GPC5: variants seen among roughly 807,000 people sequenced by gnomAD.
The protein encoded by GPC5 is glypican-5.
Under a neutral mutation model 53.9 loss-of-function variants are expected in GPC5, and 47 were observed. The ratio of observed to expected loss-of-function variants is 0.87; its 90% CI spans 0.69 to 1.11. The LOEUF (loss-of-function observed/expected upper bound fraction) is 1.11, where lower values mean the gene tolerates loss of function less well. Ranked by LOEUF, GPC5 falls within the 50% of genes most tolerant of loss-of-function variation. GPC5 has a pLI of 0.00. For missense variants in GPC5, 748 were observed against 713.1 expected, an observed-to-expected ratio of 1.05 and a Z score of -0.56; for synonymous variants, 286 against 263.3, an observed-to-expected ratio of 1.09 and a Z score of -0.84.
At chr13:91,776,417 G>A (rs1047930314) in intron 5 of GPC5, among the ~76,000 whole-genome samples, 2 of 152,108 alleles carry the variant, frequency 1.3e-5, no homozygotes, top group Admixed American at 6.6e-5. Flanking sequence ...ATCAATATTA[G>A]GATTATGTCT....
intron 7 of GPC5, among the ~76,000 whole-genome samples, chr13:92,569,262 T>G (rs1882952186): frequency 1.3e-5 from 2 of 151,870 alleles, no homozygotes; most frequent in South Asian, 4.2e-4. Context: ...TCATATGCAT[T>G]GTTTCAATGA....
chr13:92,844,232 G>A (rs1878525912), intron 7 of GPC5, among the ~76,000 whole-genome samples: 1 of 152,004 alleles, frequency 6.6e-6, no homozygotes, highest in Admixed American at 6.6e-5. Flanking sequence ...GTGTAGAAAG[G>A]TGTTGTTTAG....
At chr13:92,314,593 C>T (rs1365638209) in intron 7 of GPC5, among the ~76,000 whole-genome samples, 2 of 152,146 alleles carry the variant, frequency 1.3e-5, no homozygotes, top group African/African-American at 4.8e-5. Flanking sequence ...AAGGCCAATT[C>T]CAGTCATGTT....
intron 2 of GPC5, among the ~76,000 whole-genome samples, chr13:91,468,874 C>CTT (rs5805695): frequency 0.5 from 67,445 of 134,798 alleles, 17,549 homozygotes; most frequent in Non-Finnish European, 0.6. Context: ...AGATAATGGT[C>CTT]TTTTTTTTTT....
At chr13:91,658,824 C>A (rs1453409616) in intron 2 of GPC5, among the ~76,000 whole-genome samples, 1 of 152,104 alleles carries the variant, frequency 6.6e-6, no homozygotes, top group African/African-American at 2.4e-5. Context: ...TACTTCCTAC[C>A]TCGGGGCCTT....
intron 7 of GPC5, among the ~76,000 whole-genome samples, chr13:92,717,088 A>G (rs1888358718): frequency 6.6e-6 from 1 of 152,026 alleles, no homozygotes; most frequent in Non-Finnish European, 1.5e-5. Flanking sequence ...GCAAGACCGT[A>G]AAACTTCTCA....
intron 7 of GPC5, among the ~76,000 whole-genome samples, chr13:92,305,918 G>C (rs1349456792): frequency 6.6e-6 from 1 of 152,180 alleles, no homozygotes; most frequent in Non-Finnish European, 1.5e-5. Context: ...AGGTAACTAG[G>C]ATAGTAGATT....
At chr13:91,439,316 G>A (rs1880245059) in intron 1 of GPC5, among the ~76,000 whole-genome samples, 1 of 152,212 alleles carries the variant, frequency 6.6e-6, no homozygotes, top group African/African-American at 2.4e-5. Flanking sequence ...ATCTTGCTGG[G>A]TTCGAGACAG....
At chr13:92,748,317 ATTATTATT>A (rs1356277833) in intron 7 of GPC5, among the ~76,000 whole-genome samples, 1 of 144,644 alleles carries the variant, frequency 6.9e-6, no homozygotes, top group East Asian at 2.0e-4. Context: ...TTATTTTATT[ATTATTATT>A]ATTATTATTA....
At chr13:91,723,695 C>G (rs993757733) in intron 3 of GPC5, among the ~76,000 whole-genome samples, 5 of 152,140 alleles carry the variant, frequency 3.3e-5, no homozygotes, top group African/African-American at 2.4e-5. Flanking sequence ...TTCACTGGTT[C>G]TGAGTTTATT....
intron 6 of GPC5, among the ~76,000 whole-genome samples, chr13:92,089,016 A>T (rs2041356895): frequency 6.6e-6 from 1 of 152,210 alleles, no homozygotes; most frequent in Non-Finnish European, 1.5e-5. Flanking sequence ...TATCTAGAAA[A>T]ATGTCACTGG....
chr13:91,920,981 A>G (rs1197544046), intron 6 of GPC5, among the ~76,000 whole-genome samples: 1 of 114,678 alleles, frequency 8.7e-6, no homozygotes, highest in Non-Finnish European at 1.6e-5. Flanking sequence ...TCTGTCGCCC[A>G]GGCTGGAGTC....
In GPC5 at chr13:92,079,527, C is replaced by T. The variant is rs116089580; in HGVS notation, c.1402-65303C>T. 2.8e-3 allele frequency among the ~76,000 whole-genome samples: 420 copies of T among 152,300 alleles called. 2 individuals carry two copies. The highest frequency in any genetic ancestry group is 9.5e-3 in the African/African-American group (396 of 41,564). On this transcript the variant is annotated intron_variant, in intron 6 of 7. Coordinates refer to ENST00000377067, the MANE Select transcript of GPC5 (RefSeq NM_004466.6). ...TCATAATACGTACATCTGCTATCAT[C>T]GTGTGATTTAAATGCTCACAGAGTG...
At chr13:92,498,846 CATAG>C (rs1334816155) in intron 7 of GPC5, among the ~76,000 whole-genome samples, 1 of 152,020 alleles carries the variant, frequency 6.6e-6, no homozygotes, top group Non-Finnish European at 1.5e-5. Context: ...TATTATCCGG[CATAG>C]ATAAACTCCT....
At chr13:92,427,100 T>C (rs1010829292) in intron 7 of GPC5, among the ~76,000 whole-genome samples, 1 of 151,748 alleles carries the variant, frequency 6.6e-6, no homozygotes, top group Non-Finnish European at 1.5e-5. Context: ...AAAAAACATT[T>C]CACCTAGTGC....
At chr13:92,274,231 T>C (rs962313538) in intron 7 of GPC5, among the ~76,000 whole-genome samples, 1 of 152,194 alleles carries the variant, frequency 6.6e-6, no homozygotes, top group African/African-American at 2.4e-5. Flanking sequence ...TTCATGACCC[T>C]GGTCTCTGCT....
chr13:91,694,640 A>T (rs1359997512), intron 3 of GPC5, among the ~76,000 whole-genome samples: 2 of 152,232 alleles, frequency 1.3e-5, no homozygotes, highest in African/African-American at 2.4e-5. Flanking sequence ...TCCCAGAGTG[A>T]AATAGGATAG....
At chr13:92,628,276 T>C (rs1176218855) in intron 7 of GPC5, among the ~76,000 whole-genome samples, 21 of 107,322 alleles carry the variant, frequency 2.0e-4, no homozygotes, top group African/African-American at 8.2e-4. Flanking sequence ...TTTTTTTTTT[T>C]TTTTTTTTTT....
rs1566571116 is a variant in GPC5 at position 91,636,442 on chromosome 13, T to TGCAGTGTGTGTGTATTTGG, written c.326-56744_326-56743insCAGTGTGTGTGTATTTGGG. 7.8e-3 allele frequency among the ~76,000 whole-genome samples: 1,184 copies of TGCAGTGTGTGTGTATTTGG among 151,536 alleles called. 18 individuals carry two copies. Among genetic ancestry groups the TGCAGTGTGTGTGTATTTGG allele is most frequent in the African/African-American group, 0.027 (1,106 of 41,180 alleles). Reference sequence around the variant, plus strand: ...CGTGTGTGCAGTGTGTGTGTATTTGTGTGTGTGTATTTGTGTGTATCTCCT... The same window carrying TGCAGTGTGTGTGTATTTGG: ...CGTGTGTGCAGTGTGTGTGTATTTGTGCAGTGTGTGTGTATTTGGGTGTGTGTATTTGTGTGTATCTCCT... On this transcript the variant is annotated intron_variant, in intron 2 of 7. Transcript: ENST00000377067.
Sources: allele counts gnomAD v4.1 joint callset (sites outside exome capture counted in the v4.1 genomes callset), GRCh38; gene constraint gnomAD v4.1.1; transcripts MANE v1.5; gene names NCBI Gene and HGNC (gene_info 2026-07-23, HGNC 2026-07-21).